Variants in HS6ST3 observed in about 807,000 individuals in gnomAD.
HS6ST3 encodes the protein heparan-sulfate 6-O-sulfotransferase 3.
In HS6ST3, 12 loss-of-function variants were observed where a neutral mutation model predicts 36.7. The ratio of observed to expected loss-of-function variants is 0.33; its 90% CI spans 0.21 to 0.53. HS6ST3 has a LOEUF of 0.53. Ranked by LOEUF, HS6ST3 falls within the 20% of genes least tolerant of loss-of-function variation. The pLI is 0.95. For synonymous variants in HS6ST3, 240 were observed against 257.5 expected (o/e 0.93, Z 0.65); for missense variants, 584 against 640.9 (o/e 0.91, Z 0.96).
At chr13:96,310,828 C>T (rs573157986) in intron 1 of HS6ST3, among the ~76,000 whole-genome samples, 1 of 152,270 alleles carries the variant, frequency 6.6e-6, no homozygotes, top group South Asian at 2.1e-4. Flanking sequence ...ATTCATTTAA[C>T]TACAGTTCAC....
chr13:96,394,157 G>C (rs764206346), intron 1 of HS6ST3, among the ~76,000 whole-genome samples: 3 of 152,138 alleles, frequency 2.0e-5, no homozygotes, highest in Non-Finnish European at 4.4e-5. Context: ...TGTCTGTGCT[G>C]AGGAAGCAGG....
chr13:96,225,924 G>A (rs1363482757), intron 1 of HS6ST3, among the ~76,000 whole-genome samples: 1 of 152,088 alleles, frequency 6.6e-6, no homozygotes, highest in Non-Finnish European at 1.5e-5. Flanking sequence ...GAGAGTCCTG[G>A]GATAGTAGTA....
intron 1 of HS6ST3, among the ~76,000 whole-genome samples, chr13:96,177,885 G>T (rs1052691438): frequency 6.6e-6 from 1 of 152,180 alleles, no homozygotes; most frequent in African/African-American, 2.4e-5. Context: ...TATGCTCCTT[G>T]TTTTGGAACC....
intron 1 of HS6ST3, among the ~76,000 whole-genome samples, chr13:96,402,710 T>C (rs1252816173): frequency 6.6e-6 from 1 of 152,232 alleles, no homozygotes; most frequent in South Asian, 2.1e-4. Flanking sequence ...TATTTGGAAA[T>C]ATATTTTCGA....
intron 1 of HS6ST3, among the ~76,000 whole-genome samples, chr13:96,130,716 T>C (rs925267651): frequency 6.6e-6 from 1 of 152,218 alleles, no homozygotes; most frequent in African/African-American, 2.4e-5. Flanking sequence ...CTTGGGCTTT[T>C]CAGTCAGCTC....
intron 1 of HS6ST3, among the ~76,000 whole-genome samples, chr13:96,667,765 T>G (rs1196145787): frequency 6.6e-6 from 1 of 152,216 alleles, no homozygotes; most frequent in Non-Finnish European, 1.5e-5. Flanking sequence ...GAATTATACA[T>G]GGACTTGGCT....
intron 1 of HS6ST3, among the ~76,000 whole-genome samples, chr13:96,279,578 A>G (rs1258702404): frequency 1.3e-5 from 2 of 152,184 alleles, no homozygotes; most frequent in Non-Finnish European, 2.9e-5. Context: ...ATTAAGAACT[A>G]AGAGCTGAGT....
chr13:96,322,235 A>G (rs993731714), intron 1 of HS6ST3, among the ~76,000 whole-genome samples: 3 of 152,048 alleles, frequency 2.0e-5, no homozygotes, highest in Non-Finnish European at 4.4e-5. Context: ...TTGGTTATCC[A>G]TATCTACATT....
At chr13:96,291,795 G>A (rs116624931) in intron 1 of HS6ST3, among the ~76,000 whole-genome samples, 1 of 152,142 alleles carries the variant, frequency 6.6e-6, no homozygotes, top group African/African-American at 2.4e-5. Flanking sequence ...ATCTAGGCAG[G>A]ATTCTATTCC....
chr13:96,608,248 CT>C (rs1280580868), intron 1 of HS6ST3, among the ~76,000 whole-genome samples: 1 of 152,126 alleles, frequency 6.6e-6, no homozygotes, highest in Non-Finnish European at 1.5e-5. Context: ...CACTAAGTAT[CT>C]AAATAGTAGA....
intron 1 of HS6ST3, among the ~76,000 whole-genome samples, chr13:96,540,913 A>G (rs2056175026): frequency 6.6e-6 from 1 of 152,200 alleles, no homozygotes; most frequent in Non-Finnish European, 1.5e-5. Context: ...CCTCAGGAAC[A>G]GATTAATCTC....
chr13:96,628,037 G>A (rs1209574085), intron 1 of HS6ST3, among the ~76,000 whole-genome samples: 1 of 151,680 alleles, frequency 6.6e-6, no homozygotes, highest in African/African-American at 2.4e-5. Context: ...TTGTGAATGT[G>A]TTTATTTAAT....
intron 1 of HS6ST3, among the ~76,000 whole-genome samples, chr13:96,308,179 C>T (rs1314205966): frequency 6.6e-6 from 1 of 151,974 alleles, no homozygotes; most frequent in African/African-American, 2.4e-5. Context: ...AGATGATTTT[C>T]GTTTTACTTA....
intron 1 of HS6ST3, among the ~76,000 whole-genome samples, chr13:96,651,431 C>T (rs944259340): frequency 7.2e-5 from 11 of 152,032 alleles, no homozygotes; most frequent in Non-Finnish European, 1.6e-4. Flanking sequence ...CAGCGGGGCA[C>T]CTACCCCAAA....
chr13:96,294,822 G>A (rs768673715), intron 1 of HS6ST3, among the ~76,000 whole-genome samples: 6 of 151,962 alleles, frequency 3.9e-5, no homozygotes, highest in South Asian at 2.1e-4. Context: ...TAATAAAAAC[G>A]TGGATCTTGG....
At chr13:96,622,909 G>T (rs557499881) in intron 1 of HS6ST3, among the ~76,000 whole-genome samples, 1 of 152,094 alleles carries the variant, frequency 6.6e-6, no homozygotes, top group South Asian at 2.1e-4. Flanking sequence ...GACATTCCAG[G>T]TGGTTATTTT....
chr13:96,535,609 A>G (rs1013771812), intron 1 of HS6ST3, among the ~76,000 whole-genome samples: 20 of 152,008 alleles, frequency 1.3e-4, no homozygotes, highest in Non-Finnish European at 2.5e-4. Context: ...TAGGGTTTGA[A>G]CTTGTGGCTT....
intron 1 of HS6ST3, among the ~76,000 whole-genome samples, chr13:96,778,385 G>A (rs1248432852): frequency 6.6e-6 from 1 of 152,086 alleles, no homozygotes; most frequent in African/African-American, 2.4e-5. Flanking sequence ...GAGTGAACAG[G>A]CAACCTACAC....
intron 1 of HS6ST3, among the ~76,000 whole-genome samples, chr13:96,455,939 A>T (rs189012893): frequency 7.9e-4 from 120 of 152,308 alleles, no homozygotes; most frequent in African/African-American, 2.9e-3. Flanking sequence ...TCAAAAGCTG[A>T]TGGTTAAACC....
Sources: gnomAD v4.1 joint callset for allele counts (sites outside exome capture counted in the v4.1 genomes callset) on GRCh38, gnomAD v4.1.1 for gene constraint, MANE v1.5 for transcripts, NCBI Gene and HGNC (gene_info 2026-07-23, HGNC 2026-07-21) for gene names.